MICAL3: variants seen among roughly 807,000 people sequenced by gnomAD.
MICAL3 encodes the protein [F-actin]-monooxygenase MICAL3.
A neutral mutation model predicts 207.4 loss-of-function variants in MICAL3; 62 were observed. The observed-to-expected ratio is 0.30, with a 90% CI of 0.24 to 0.37. The LOEUF (loss-of-function observed/expected upper bound fraction) is 0.37. Ranked by LOEUF, MICAL3 falls within the 10% of genes least tolerant of loss-of-function variation. The pLI is 1.00. For missense variants in MICAL3, 2,368 were observed against 2,635.6 expected, an observed-to-expected ratio of 0.90 and a Z score of 2.22; for synonymous variants, 1,077 against 1,069.3, an observed-to-expected ratio of 1.01 and a Z score of -0.14.
At chr22:18,011,882 A>G (rs898885138) in intron 1 of MICAL3, among the ~76,000 whole-genome samples, 5 of 149,210 alleles carry the variant, frequency 3.4e-5, no homozygotes, top group African/African-American at 1.2e-4. Flanking sequence ...ACGGAGCGAG[A>G]CTCTGTCTCA....
At chr22:17,843,578 G>A (rs558480729) in intron 19 of MICAL3, among the ~76,000 whole-genome samples, 81 of 152,288 alleles carry the variant, frequency 5.3e-4, no homozygotes, top group African/African-American at 1.8e-3. Context: ...CATGGACACC[G>A]AGTGACACGA....
chr22:17,867,018 T>TGAA (rs1371325493), intron 17 of MICAL3, among the ~76,000 whole-genome samples: 1 of 152,232 alleles, frequency 6.6e-6, no homozygotes, highest in Non-Finnish European at 1.5e-5. Context: ...TGAGCTTTCC[T>TGAA]GATCTCAAAG....
chr22:17,846,495 G>A (rs1214446313), intron 19 of MICAL3, among the ~76,000 whole-genome samples: 1 of 152,216 alleles, frequency 6.6e-6, no homozygotes, highest in Non-Finnish European at 1.5e-5. Context: ...AGGCGGTGAT[G>A]AGAAACCAAG....
At chr22:17,877,688 G>A (rs1052496533) in intron 16 of MICAL3, among the ~76,000 whole-genome samples, 1 of 152,012 alleles carries the variant, frequency 6.6e-6, no homozygotes, top group Non-Finnish European at 1.5e-5. Flanking sequence ...GAGGAGTGCA[G>A]AAACCAGTTC....
At chr22:17,874,303 G>C (rs1233771195) in intron 16 of MICAL3, among the ~76,000 whole-genome samples, 1 of 152,168 alleles carries the variant, frequency 6.6e-6, no homozygotes, top group Non-Finnish European at 1.5e-5. Flanking sequence ...AGAAACTGAG[G>C]CTTGGGACAG....
Position 17,902,080 on chromosome 22 carries a change from G to A in MICAL3, c.590-101C>T, listed in dbSNP as rs1429987510. The A allele has an allele frequency of 2.5e-6, 2 of 784,552 alleles. No homozygotes were observed. Among genetic ancestry groups the A allele is most frequent in the Non-Finnish European group, 4.1e-6 (2 of 482,332 alleles). The allele number at this position is 784,552 out of a possible 1,614,324, so 48.6% of individuals were successfully genotyped here. A position where few individuals can be genotyped will look rare whatever the true frequency, so the allele number is the denominator to read the frequency against. ...GTCATGTGAACTGCACAAAACCCTG[G>A]GCCAAAAACACTATGTGTAGAAGCA... On this transcript the variant is annotated intron_variant, in intron 4 of 31. Coordinates refer to ENST00000441493, the MANE Select transcript of MICAL3 (RefSeq NM_015241.3). The surrounding 1 kb of genome is among the most constrained non-coding windows in gnomAD (Gnocchi z 4.5).
chr22:17,951,748 G>A (rs1364354850), intron 1 of MICAL3, among the ~76,000 whole-genome samples: 1 of 151,074 alleles, frequency 6.6e-6, no homozygotes, highest in East Asian at 1.9e-4. Flanking sequence ...CCAAGCTTGA[G>A]TGCAGTGGCG....
intron 29 of MICAL3, among the ~76,000 whole-genome samples, chr22:17,799,974 ACACACACACG>A (rs2061921084): frequency 7.1e-6 from 1 of 141,426 alleles, no homozygotes; most frequent in African/African-American, 2.9e-5. Flanking sequence ...ACACACACAC[ACACACACACG>A]CGTTGGGAAA....
chr22:17,924,018 G>A (rs1961814448), intron 1 of MICAL3, among the ~76,000 whole-genome samples: 7 of 152,180 alleles, frequency 4.6e-5, no homozygotes, highest in Admixed American at 4.6e-4. Context: ...AGTGCAGCAC[G>A]AAGAGGGAGA....
At chr22:17,912,740 G>T (rs1472031475) in intron 1 of MICAL3, among the ~76,000 whole-genome samples, 2 of 152,136 alleles carry the variant, frequency 1.3e-5, no homozygotes, top group African/African-American at 2.4e-5. Context: ...GGAATCTGTA[G>T]GATTTTCTAC....
rs868422665 is a variant in MICAL3, at chr22:18,020,759, C to T, written c.-75+3522G>A. ...GGTAACCCCATCTCTATTAAAAATA[C>T]AAAAATTAGCCGGGTATGGTGGTGG... On this transcript the variant is annotated intron_variant, in intron 1 of 31. Transcript: ENST00000441493. 4.6e-5 allele frequency among the ~76,000 whole-genome samples: 7 copies of T among 150,982 alleles called. No homozygotes were observed. The South Asian group carries it at 6.3e-4, about 14-fold the overall frequency.
At chr22:17,820,918 A>AAACATAAATTTTAATAAATTTATGTTTAT (rs1168521937) in intron 25 of MICAL3, among the ~76,000 whole-genome samples, 1 of 141,738 alleles carries the variant, frequency 7.1e-6, no homozygotes, top group East Asian at 2.0e-4. Context: ...TTATATTTAT[A>AAACATAAATTTTAATAAATTTATGTTTAT]AACATAAATT....
At chr22:17,894,305 T>A (rs1451546658) in intron 10 of MICAL3, among the ~76,000 whole-genome samples, 5 of 147,618 alleles carry the variant, frequency 3.4e-5, no homozygotes, top group Non-Finnish European at 7.4e-5. Flanking sequence ...AGTGGGAGGA[T>A]CCCTTGAGAC....
At chr22:17,975,223 A>C (rs1388396395) in intron 1 of MICAL3, among the ~76,000 whole-genome samples, 1 of 152,196 alleles carries the variant, frequency 6.6e-6, no homozygotes, top group African/African-American at 2.4e-5. Flanking sequence ...GTCAAGCTGC[A>C]GTCACCACAA....
Position 17,864,992 on chromosome 22 carries a change from A to C in MICAL3, c.2518-6T>G. 1 of 1,597,724 alleles carries C rather than the reference A, an allele frequency of 6.3e-7. No homozygotes were observed. The highest frequency in any genetic ancestry group is 8.6e-7 in the Non-Finnish European group (1 of 1,167,594). On this transcript the variant is annotated splice_polypyrimidine_tract_variant and splice_region_variant and intron_variant, in intron 18 of 31. Transcript: ENST00000441493. The stretch of plus-strand genomic sequence containing the variant: ...TGCAGGGGTCCTTTGGCCTCCTAGG[A>C]AAGTTCATGAGAAAAAGAAGAGTGA...
chr22:17,876,729 AGG>A (rs1928408859), intron 16 of MICAL3: 2 of 151,152 alleles, frequency 1.3e-5, no homozygotes, highest in Admixed American at 1.3e-4. Flanking sequence ...TATGGAGGTT[AGG>A]GAGCTTATGG....
At chr22:17,887,942 A>C (rs1930074611) in intron 13 of MICAL3, among the ~76,000 whole-genome samples, 1 of 152,192 alleles carries the variant, frequency 6.6e-6, no homozygotes, top group South Asian at 2.1e-4. Flanking sequence ...TGTTGTAAGA[A>C]CGTCATGGCT....
At chr22:18,017,418 T>C (rs1433742741) in intron 1 of MICAL3, among the ~76,000 whole-genome samples, 1 of 151,744 alleles carries the variant, frequency 6.6e-6, no homozygotes, top group East Asian at 2.0e-4. Context: ...GGTTTCACAA[T>C]GTTGGCCAGG....
At chr22:17,809,014 G>T in intron 28 of MICAL3, 77 bp from the exon 29 acceptor site, 2 of 1,280,780 alleles carry the variant, frequency 1.6e-6, no homozygotes, top group East Asian at 2.5e-5. Flanking sequence ...ACACCCACAC[G>T]AGGGGAAACA....
Sources: gnomAD v4.1 joint callset for allele counts (sites outside exome capture counted in the v4.1 genomes callset) on GRCh38, gnomAD v4.1.1 for gene constraint, Gnocchi (gnomAD v3.1) non-coding constraint, MANE v1.5 for transcripts, NCBI Gene and HGNC (gene_info 2026-07-23, HGNC 2026-07-21) for gene names.